The following CFAP299 variants were observed in gnomAD, a reference collection of about 807,000 sequenced individuals.
CFAP299 encodes cilia- and flagella-associated protein 299.
In CFAP299, 21 loss-of-function variants were observed where a neutral mutation model predicts 27.0. That is an observed-to-expected ratio of 0.78 (90% CI 0.55 to 1.12). The LOEUF is 1.12. Ranked by LOEUF, CFAP299 falls within the 50% of genes most tolerant of loss-of-function variation. CFAP299 has a pLI of 0.00. For missense variants in CFAP299, 310 were observed against 276.6 expected, an observed-to-expected ratio of 1.12 and a Z score of -0.86; for synonymous variants, 104 against 98.1, an observed-to-expected ratio of 1.06 and a Z score of -0.36.
intron 1 of CFAP299, among the ~76,000 whole-genome samples, chr4:80,344,624 G>A (rs1722634063): frequency 1.3e-5 from 2 of 152,010 alleles, no homozygotes; most frequent in Non-Finnish European, 2.9e-5. Context: ...TTGAAAAAGG[G>A]GAACTCCTCC....
intron 3 of CFAP299, among the ~76,000 whole-genome samples, chr4:80,693,318 C>T (rs1256152163): frequency 6.6e-6 from 1 of 151,748 alleles, no homozygotes; most frequent in Non-Finnish European, 1.5e-5. Flanking sequence ...CAATGATAGA[C>T]TGGATTAAGA....
intron 2 of CFAP299, among the ~76,000 whole-genome samples, chr4:80,490,138 T>A (rs1308449003): frequency 6.6e-6 from 1 of 152,222 alleles, no homozygotes; most frequent in East Asian, 1.9e-4. Context: ...GACTTTATCA[T>A]GATCCATGTT....
At chr4:80,614,879 A>G (rs1436319160) in intron 3 of CFAP299, among the ~76,000 whole-genome samples, 1 of 152,212 alleles carries the variant, frequency 6.6e-6, no homozygotes, top group Non-Finnish European at 1.5e-5. Flanking sequence ...TTTAATGTCA[A>G]CATACAAGAG....
chr4:80,458,771 A>C (rs1009523274), intron 2 of CFAP299, among the ~76,000 whole-genome samples: 1 of 152,106 alleles, frequency 6.6e-6, no homozygotes, highest in Non-Finnish European at 1.5e-5. Context: ...AATAGGCTAA[A>C]ATAGCAAGGT....
At chr4:80,833,970 G>A (rs909795601) in intron 3 of CFAP299, among the ~76,000 whole-genome samples, 1 of 152,208 alleles carries the variant, frequency 6.6e-6, no homozygotes, top group African/African-American at 2.4e-5. Flanking sequence ...GTAGATGGAA[G>A]CGTTCACTGG....
chr4:80,524,414 G>T (rs1273512880), intron 2 of CFAP299, among the ~76,000 whole-genome samples: 1 of 151,806 alleles, frequency 6.6e-6, no homozygotes, highest in Non-Finnish European at 1.5e-5. Flanking sequence ...ATTACAGGAT[G>T]TTTAGCAGAA....
chr4:80,916,252 A>AATATATATATATATATATATATATAT (rs10696316), intron 4 of CFAP299, among the ~76,000 whole-genome samples: 3 of 60,956 alleles, frequency 4.9e-5, no homozygotes, highest in Non-Finnish European at 7.9e-5. Context: ...ACTAGACTGA[A>AATATATATATATATATATATATATAT]ATATATATAT....
chr4:80,950,626 C>A (rs1486237216), intron 5 of CFAP299, among the ~76,000 whole-genome samples: 1 of 152,024 alleles, frequency 6.6e-6, no homozygotes, highest in East Asian at 1.9e-4. Context: ...CATGGGAGCA[C>A]AAAACATGAG....
chr4:80,838,818 A>T (rs1487517079), intron 3 of CFAP299, among the ~76,000 whole-genome samples: 1 of 151,876 alleles, frequency 6.6e-6, no homozygotes, highest in Non-Finnish European at 1.5e-5. Flanking sequence ...GTATTTTTTA[A>T]CCTATTGAGT....
At chr4:80,576,972 G>C (rs1466099681) in intron 2 of CFAP299, among the ~76,000 whole-genome samples, 1 of 152,098 alleles carries the variant, frequency 6.6e-6, no homozygotes, top group Non-Finnish European at 1.5e-5. Context: ...AAGACCAGCC[G>C]ACTCTGATTA....
intron 3 of CFAP299, among the ~76,000 whole-genome samples, chr4:80,856,571 A>G (rs1388389094): frequency 5.9e-5 from 9 of 151,894 alleles, no homozygotes; most frequent in South Asian, 4.2e-4. Context: ...ATCTTGAATT[A>G]ATTTTTGTAT....
At chr4:80,642,977 G>C (rs904160320) in intron 3 of CFAP299, among the ~76,000 whole-genome samples, 1 of 151,742 alleles carries the variant, frequency 6.6e-6, no homozygotes, top group African/African-American at 2.4e-5. Context: ...TGAAATAGGA[G>C]GAAAATCCTA....
At chr4:80,860,736 C>T (rs934733026) in intron 3 of CFAP299, among the ~76,000 whole-genome samples, 1 of 152,094 alleles carries the variant, frequency 6.6e-6, no homozygotes, top group African/African-American at 2.4e-5. Flanking sequence ...TTTCATGAAC[C>T]GCGAATGTTG....
intron 3 of CFAP299, among the ~76,000 whole-genome samples, chr4:80,644,245 T>C (rs897282244): frequency 1.3e-5 from 2 of 152,166 alleles, no homozygotes; most frequent in African/African-American, 4.8e-5. Flanking sequence ...GTTATTACTA[T>C]GAAAAACAAT....
chr4:80,494,201 G>T (rs1731312929), intron 2 of CFAP299, among the ~76,000 whole-genome samples: 1 of 151,968 alleles, frequency 6.6e-6, no homozygotes, highest in African/African-American at 2.4e-5. Context: ...TCCTTTCTTT[G>T]TCACATATCT....
At chr4:80,653,590 T>C (rs777040163) in intron 3 of CFAP299, among the ~76,000 whole-genome samples, 7 of 152,092 alleles carry the variant, frequency 4.6e-5, no homozygotes, top group Non-Finnish European at 8.8e-5. Flanking sequence ...GACAGAAAGA[T>C]GAGCAAGTAA....
At chr4:80,335,643 G>C (rs977927565), upstream of CFAP299, 11 of 689,256 alleles carry the variant, frequency 1.6e-5, no homozygotes, top group Non-Finnish European at 2.6e-5. Context: ...CAAACCGCCG[G>C]GGGGTGGGAT....
At chr4:80,566,350 C>T (rs1231821241) in intron 2 of CFAP299, among the ~76,000 whole-genome samples, 1 of 151,990 alleles carries the variant, frequency 6.6e-6, no homozygotes, top group Non-Finnish European at 1.5e-5. Flanking sequence ...AGTCCCTACC[C>T]TATTTGTACA....
chr4:80,544,306 A>G (rs560354664), intron 2 of CFAP299, among the ~76,000 whole-genome samples: 2 of 152,348 alleles, frequency 1.3e-5, no homozygotes, highest in South Asian at 2.1e-4. Flanking sequence ...TCAAGTCTAC[A>G]TAACAACTGG....
Sources: allele counts gnomAD v4.1 joint callset (sites outside exome capture counted in the v4.1 genomes callset), GRCh38; gene constraint gnomAD v4.1.1; transcripts MANE v1.5; gene names NCBI Gene and HGNC (gene_info 2026-07-23, HGNC 2026-07-21).